SBF2: variants seen among roughly 807,000 people sequenced by gnomAD.
SBF2 encodes the protein SET binding factor 2.
In SBF2, 112 loss-of-function variants were observed where a neutral mutation model predicts 225.2. That is an observed-to-expected ratio of 0.50 (90% CI 0.43 to 0.58). The LOEUF (loss-of-function observed/expected upper bound fraction) is 0.58, where lower values mean the gene tolerates loss of function less well. Ranked by LOEUF, SBF2 falls within the 20% of genes least tolerant of loss-of-function variation. SBF2 has a pLI of 0.00. For missense variants in SBF2, 1,996 were observed against 2,206.2 expected, an observed-to-expected ratio of 0.90 and a Z score of 1.91; for synonymous variants, 763 against 773.3, an observed-to-expected ratio of 0.99 and a Z score of 0.22.
At chr11:9,800,996 T>C (rs1183482080) in intron 32 of SBF2, among the ~76,000 whole-genome samples, 1 of 152,214 alleles carries the variant, frequency 6.6e-6, no homozygotes, top group African/African-American at 2.4e-5. Context: ...TTTCATTAGT[T>C]TTCTTTATTG....
In SBF2 at chr11:9,832,439, G is replaced by C; in HGVS notation, c.3456-19C>G. The C allele has an allele frequency of 6.3e-7, 1 of 1,583,426 alleles. No individual in the cohort carries two copies. The highest frequency in any genetic ancestry group is 8.7e-7 in the Non-Finnish European group (1 of 1,152,354). The stretch of plus-strand genomic sequence containing the variant: ...AGGATAGCTTCAGAGACATAGAATA[G>C]AGAAGAGAATGATTGGGGGAAGGAA... On this transcript the variant is annotated intron_variant, in intron 26 of 39. Transcript: ENST00000256190.
At chr11:9,901,878 C>G (rs12808214) in intron 16 of SBF2, among the ~76,000 whole-genome samples, 1 of 152,170 alleles carries the variant, frequency 6.6e-6, no homozygotes, top group Non-Finnish European at 1.5e-5. Context: ...CTCCTGAACT[C>G]AAGTGATCCT....
chr11:10,049,443 C>T (rs1195533655), intron 2 of SBF2, among the ~76,000 whole-genome samples: 1 of 152,028 alleles, frequency 6.6e-6, no homozygotes, highest in Non-Finnish European at 1.5e-5. Flanking sequence ...CCCACTTCTA[C>T]TGAAAATATA....
chr11:10,174,862 T>G lies in SBF2; in HGVS notation c.141+19040A>C, dbSNP rs1306876525. On this transcript the variant is annotated intron_variant, in intron 2 of 39. Transcript: ENST00000256190. ...AGACAGTGGGGGCCAATATTCAACA[T>G]TCTTAAAGAAAAGAATTTTCAACCC... Among the ~76,000 whole-genome samples the G allele has an allele frequency of 4.6e-5, 7 of 151,256 alleles. No homozygotes were observed. The East Asian group carries it at 1.2e-3, about 26-fold the overall frequency.
At chr11:10,294,431 G>T (rs962839961), upstream of SBF2, among the ~76,000 whole-genome samples, 5 of 152,208 alleles carry the variant, frequency 3.3e-5, no homozygotes, top group Non-Finnish European at 2.9e-5. Flanking sequence ...CTGCTTCACG[G>T]CCCCCTCTGC....
At chr11:10,223,637 A>G (rs541630763) in intron 1 of SBF2, among the ~76,000 whole-genome samples, 32 of 152,002 alleles carry the variant, frequency 2.1e-4, no homozygotes, top group African/African-American at 7.7e-4. Context: ...TCAAGCAATT[A>G]AACTTTTTCT....
chr11:10,243,649 A>T (rs946834578), intron 1 of SBF2, among the ~76,000 whole-genome samples: 5 of 152,110 alleles, frequency 3.3e-5, no homozygotes, highest in African/African-American at 4.8e-5. Context: ...AAAAATAAAA[A>T]ACATCATAAA....
chr11:9,852,556 T>G, intron 21 of SBF2, 120 bp downstream of exon 21: 3 of 774,662 alleles, frequency 3.9e-6, no homozygotes, highest in Non-Finnish European at 7.1e-6. Context: ...TAACATATCA[T>G]TAAAACTGGA....
chr11:9,985,495 G>A (rs1041239470), intron 13 of SBF2, among the ~76,000 whole-genome samples: 2 of 151,976 alleles, frequency 1.3e-5, no homozygotes, highest in Non-Finnish European at 2.9e-5. Flanking sequence ...GCTAATTTTT[G>A]TATTTTTAGT....
intron 28 of SBF2, chr11:9,828,493 A>G: frequency 7.1e-6 from 7 of 985,464 alleles, no homozygotes; most frequent in Non-Finnish European, 8.4e-6. Flanking sequence ...TTTTACAAGA[A>G]AAGCCACTTT....
At chr11:10,024,078 C>G (rs1948961386) in intron 6 of SBF2, among the ~76,000 whole-genome samples, 1 of 152,054 alleles carries the variant, frequency 6.6e-6, no homozygotes, top group Non-Finnish European at 1.5e-5. Flanking sequence ...CCGAATCATG[C>G]CGTATATAAT....
At chr11:9,836,922 C>T (rs1855766158) in intron 26 of SBF2, among the ~76,000 whole-genome samples, 1 of 151,934 alleles carries the variant, frequency 6.6e-6, no homozygotes, top group Non-Finnish European at 1.5e-5. Context: ...TGTAAATGAC[C>T]TTGTACTAGT....
At chr11:10,231,545 A>G (rs1036325113) in intron 1 of SBF2, among the ~76,000 whole-genome samples, 3 of 152,168 alleles carry the variant, frequency 2.0e-5, no homozygotes, top group Admixed American at 6.5e-5. Context: ...CCTCAGCTTC[A>G]GGTCTGTTGG....
intron 16 of SBF2, among the ~76,000 whole-genome samples, chr11:9,943,110 AGGGGTTATT>A (rs1865380415): frequency 6.6e-6 from 1 of 152,212 alleles, no homozygotes; most frequent in Admixed American, 6.5e-5. Flanking sequence ...TATATAAAAA[AGGGGTTATT>A]GCAAATCAGT....
chr11:10,125,065 G>A (rs1012112611), intron 2 of SBF2, among the ~76,000 whole-genome samples: 6 of 142,820 alleles, frequency 4.2e-5, no homozygotes, highest in African/African-American at 1.6e-4. Context: ...CCGAGATCTC[G>A]CTACTGCACT....
At chr11:9,939,690 G>A (rs1865134054) in intron 16 of SBF2, among the ~76,000 whole-genome samples, 1 of 152,166 alleles carries the variant, frequency 6.6e-6, no homozygotes, top group Non-Finnish European at 1.5e-5. Flanking sequence ...CTGAAAAACT[G>A]CTGGTGGAGA....
chr11:10,302,276 A>T (rs1964605607), intron 1 of SBF2, among the ~76,000 whole-genome samples: 1 of 152,222 alleles, frequency 6.6e-6, no homozygotes, highest in Non-Finnish European at 1.5e-5. Flanking sequence ...CCCAGATTTA[A>T]CAAACTCCTT....
At chr11:9,829,072 C>T (rs770394992) in intron 28 of SBF2, among the ~76,000 whole-genome samples, 1 of 151,784 alleles carries the variant, frequency 6.6e-6, no homozygotes, top group Non-Finnish European at 1.5e-5. Context: ...CCCAGAAGTT[C>T]GAGACCAGAC....
At chr11:10,116,515 A>G (rs1953147055) in intron 2 of SBF2, among the ~76,000 whole-genome samples, 1 of 152,216 alleles carries the variant, frequency 6.6e-6, no homozygotes, top group African/African-American at 2.4e-5. Flanking sequence ...TTATTTTTCT[A>G]AAACATTGCT....
Sources: gnomAD v4.1 joint callset for allele counts (sites outside exome capture counted in the v4.1 genomes callset) on GRCh38, gnomAD v4.1.1 for gene constraint, MANE v1.5 for transcripts, NCBI Gene and HGNC (gene_info 2026-07-23, HGNC 2026-07-21) for gene names.